CYFIP2: variants seen among roughly 807,000 people sequenced by gnomAD.
CYFIP2 encodes cytoplasmic FMR1 interacting protein 2.
A neutral mutation model predicts 158.7 loss-of-function variants in CYFIP2; 29 were observed. The observed-to-expected ratio is 0.18, with a 90% CI of 0.14 to 0.25. The LOEUF is 0.25. CYFIP2 is among the 10% of genes least tolerant of loss of function. CYFIP2 has a pLI of 1.00. For missense variants in CYFIP2, 852 were observed against 1,639.5 expected (o/e 0.52, Z 8.29); for synonymous variants, 585 against 617.6 (o/e 0.95, Z 0.78).
intron 4 of CYFIP2, among the ~76,000 whole-genome samples, chr5:157,295,860 G>A (rs974769083): frequency 2.6e-5 from 4 of 152,232 alleles, no homozygotes; most frequent in South Asian, 2.1e-4. Context: ...CAGCCTTGGC[G>A]TGTGCGTTGT....
rs574557520 is a variant in CYFIP2, at chr5:157,343,032, C to G, written c.2673+1875C>G. 10 of 1,614,214 alleles carry G rather than the reference C, an allele frequency of 6.2e-6. No homozygotes were observed. The Admixed American group carries it at 1.5e-4, about 24-fold the overall frequency. On this transcript the variant is annotated intron_variant, in intron 23 of 30. Transcript: ENST00000620254. ...CCCTGCAGGTCTTCCTCCCTCTGACCAAGATCCGGGGCCTCCTCTGGCCAT... is the reference window on the plus strand; with the variant it reads ...CCCTGCAGGTCTTCCTCCCTCTGACGAAGATCCGGGGCCTCCTCTGGCCAT...
chr5:157,304,431 A>AAAGT, intron 8 of CYFIP2, 65 bp downstream of exon 8: 8 of 1,524,728 alleles, frequency 5.2e-6, no homozygotes, highest in Non-Finnish European at 6.2e-6. Flanking sequence ...TTCTTATTAA[A>AAAGT]AATCCGTTTT....
chr5:157,273,703 T>C (rs1288652607), intron 1 of CYFIP2, among the ~76,000 whole-genome samples: 1 of 152,146 alleles, frequency 6.6e-6, no homozygotes, highest in Non-Finnish European at 1.5e-5. Context: ...AAGCTCCTAC[T>C]CTACCCCCAG....
intron 11 of CYFIP2, among the ~76,000 whole-genome samples, chr5:157,312,505 A>T (rs1047410067): frequency 7.2e-5 from 11 of 152,182 alleles, no homozygotes; most frequent in African/African-American, 2.7e-4. Flanking sequence ...ATAAATGAAT[A>T]TGCTGTTTGA....
intron 15 of CYFIP2, 46 bp from the exon 16 acceptor site, chr5:157,323,875 G>A (rs1395060397): frequency 4.7e-6 from 7 of 1,476,456 alleles, no homozygotes; most frequent in South Asian, 2.7e-5. Flanking sequence ...TTTCCCCGGG[G>A]TAGAGGGCCA....
chr5:157,356,685 T>A (rs1224186243), intron 23 of CYFIP2, among the ~76,000 whole-genome samples: 1 of 151,978 alleles, frequency 6.6e-6, no homozygotes, highest in Non-Finnish European at 1.5e-5. Context: ...GAATACAGAG[T>A]GGGGCTTTGC....
At chr5:157,289,359 A>C (rs1340676629) in intron 3 of CYFIP2, among the ~76,000 whole-genome samples, 1 of 152,272 alleles carries the variant, frequency 6.6e-6, no homozygotes, top group Non-Finnish European at 1.5e-5. Flanking sequence ...TTCCCTACAA[A>C]TAAAGGGTCG....
At chr5:157,321,542 C>G (rs1358394848) in intron 15 of CYFIP2, among the ~76,000 whole-genome samples, 2 of 152,194 alleles carry the variant, frequency 1.3e-5, no homozygotes, top group Non-Finnish European at 2.9e-5. Flanking sequence ...TCCCTGCTAC[C>G]TACTTAAGGA....
intron 14 of CYFIP2, among the ~76,000 whole-genome samples, chr5:157,320,418 C>T (rs1411646286): frequency 6.6e-6 from 1 of 152,236 alleles, no homozygotes; most frequent in Non-Finnish European, 1.5e-5. Flanking sequence ...AGTTCTCAGA[C>T]ATCCCTTGGA....
chr5:157,299,968 G>A (rs1758602624), intron 5 of CYFIP2, among the ~76,000 whole-genome samples: 1 of 152,138 alleles, frequency 6.6e-6, no homozygotes, highest in South Asian at 2.1e-4. Context: ...TTGCTTGTCT[G>A]TTTTTCTCTT....
chr5:157,268,892 G>A (rs1032051618), intron 1 of CYFIP2, among the ~76,000 whole-genome samples: 8 of 152,190 alleles, frequency 5.3e-5, no homozygotes, highest in Non-Finnish European at 1.0e-4. Context: ...CTGCCTTCTT[G>A]GCAGTGAATG....
In CYFIP2 at chr5:157,319,985, C is replaced by T. The variant is rs1396872784; in HGVS notation, c.1523+57C>T. 15 of 1,582,690 alleles carry T rather than the reference C, an allele frequency of 9.5e-6. No individual in the cohort carries two copies. In the Middle Eastern group the frequency reaches 5.1e-4, roughly 54 times the overall value. On this transcript the variant is annotated intron_variant, in intron 14 of 30. Transcript: ENST00000620254. ...AGACATAAGCATGCCAGGTACCCAT[C>T]AGAGAGGATGTCCTGGCTCAGCCAC...
chr5:157,325,945 A>G (rs1760988267), intron 17 of CYFIP2: 2 of 556,352 alleles, frequency 3.6e-6, no homozygotes, highest in East Asian at 2.9e-5. Flanking sequence ...TTTAGTCCCA[A>G]ATGAATTTTT....
At chr5:157,306,480 A>G (rs1013888884) in intron 8 of CYFIP2, among the ~76,000 whole-genome samples, 1 of 152,134 alleles carries the variant, frequency 6.6e-6, no homozygotes, top group Admixed American at 6.5e-5. Context: ...ACCCTCTTCA[A>G]TCTGGCCTTC....
At chr5:157,391,782 G>A (rs1333136096) in intron 30 of CYFIP2, among the ~76,000 whole-genome samples, 2 of 152,160 alleles carry the variant, frequency 1.3e-5, no homozygotes, top group African/African-American at 2.4e-5. Flanking sequence ...ATTCTTTTGA[G>A]TATATACCTG....
chr5:157,301,045 T>A, intron 6 of CYFIP2, 149 bp downstream of exon 6: 1 of 644,444 alleles, frequency 1.6e-6, no homozygotes, highest in Non-Finnish European at 2.5e-6. Context: ...AGGCTTGGCC[T>A]GTTTCAGTGT....
At chr5:157,322,815 G>A (rs1050539720) in intron 15 of CYFIP2, 16 of 962,252 alleles carry the variant, frequency 1.7e-5, no homozygotes, top group African/African-American at 1.3e-4. Flanking sequence ...CCCGGCAGTC[G>A]CGGCGGCTTT....
chr5:157,347,883 G>A (rs10042567), intron 23 of CYFIP2, among the ~76,000 whole-genome samples: 37,776 of 152,166 alleles, frequency 0.25, 5,437 homozygotes, highest in African/African-American at 0.39. Context: ...ATGGGGTGGG[G>A]CCCCAGACTC....
intron 12 of CYFIP2, 136 bp from the exon 13 acceptor site, chr5:157,314,833 G>A: frequency 1.4e-6 from 1 of 731,842 alleles, no homozygotes; most frequent in Non-Finnish European, 2.2e-6. Context: ...TACTTACAAG[G>A]TTTTTCATGT....
Sources: gnomAD v4.1 joint callset for allele counts (sites outside exome capture counted in the v4.1 genomes callset) on GRCh38, gnomAD v4.1.1 for gene constraint, MANE v1.5 for transcripts, NCBI Gene and HGNC (gene_info 2026-07-23, HGNC 2026-07-21) for gene names.